Variants in DOCK3 observed in about 807,000 individuals in gnomAD.
DOCK3 encodes dedicator of cytokinesis protein 3.
In DOCK3, 60 loss-of-function variants were observed where a neutral mutation model predicts 265.6. The ratio of observed to expected loss-of-function variants is 0.23; its 90% CI spans 0.18 to 0.28. The LOEUF (loss-of-function observed/expected upper bound fraction) is 0.28. Ranked by LOEUF, DOCK3 falls within the 10% of genes least tolerant of loss-of-function variation. The pLI, the probability that DOCK3 is intolerant of heterozygous loss-of-function variation, is 1.00. For missense variants in DOCK3, 1,981 were observed against 2,594.3 expected (o/e 0.76, Z 5.14); for synonymous variants, 881 against 938.0 (o/e 0.94, Z 1.11).
At chr3:50,867,799 CTT>C (rs2047219075) in intron 3 of DOCK3, among the ~76,000 whole-genome samples, 1 of 151,902 alleles carries the variant, frequency 6.6e-6, no homozygotes, top group Non-Finnish European at 1.5e-5. Context: ...TGAATGATCT[CTT>C]TAATATATTG....
chr3:50,838,499 A>G (rs2045642746), intron 2 of DOCK3, among the ~76,000 whole-genome samples: 1 of 152,236 alleles, frequency 6.6e-6, no homozygotes, highest in African/African-American at 2.4e-5. Flanking sequence ...CTTCAGTTAA[A>G]TGCATATGAT....
At chr3:51,248,500 T>C (rs945827018) in intron 22 of DOCK3, among the ~76,000 whole-genome samples, 2 of 152,224 alleles carry the variant, frequency 1.3e-5, no homozygotes, top group Non-Finnish European at 2.9e-5. Context: ...CAGTGCTCAA[T>C]GGCGCCCAGG....
In DOCK3 at chr3:50,713,656, T is replaced by TATA. The variant is rs1559542538; in HGVS notation, c.37+38356_37+38357insATA. Reference sequence around the variant, plus strand: ...TGATAAATTATATATATATATATATTTTTTGTTTGTTTGTTTTAGATTCTG... The same window carrying TATA: ...TGATAAATTATATATATATATATATTATATTTTGTTTGTTTGTTTTAGATTCTG... On this transcript the variant is annotated intron_variant, in intron 1 of 52. Coordinates refer to ENST00000266037, the MANE Select transcript of DOCK3 (RefSeq NM_004947.5). Among the ~76,000 whole-genome samples, 30 of 147,044 alleles carry TATA rather than the reference T, an allele frequency of 2.0e-4. No individual in the cohort carries two copies. In the East Asian group the frequency reaches 2.5e-3, roughly 12 times the overall value.
chr3:50,990,241 A>G (rs1437808671), intron 5 of DOCK3, among the ~76,000 whole-genome samples: 2 of 152,256 alleles, frequency 1.3e-5, no homozygotes, highest in African/African-American at 4.8e-5. Context: ...GTTTCAGGAT[A>G]TCATTCATGA....
At chr3:51,321,128 T>C (rs2083697658) in intron 32 of DOCK3, among the ~76,000 whole-genome samples, 1 of 152,096 alleles carries the variant, frequency 6.6e-6, no homozygotes, top group African/African-American at 2.4e-5. Context: ...TCCAGAGGAA[T>C]GAACAGACAG....
chr3:50,788,596 G>T (rs1282312280), intron 2 of DOCK3, among the ~76,000 whole-genome samples: 1 of 152,258 alleles, frequency 6.6e-6, no homozygotes, highest in African/African-American at 2.4e-5. Context: ...CCTGCAGTGG[G>T]GGGACTGTAG....
intron 1 of DOCK3, among the ~76,000 whole-genome samples, chr3:50,687,270 C>T (rs1188454866): frequency 6.6e-6 from 1 of 152,084 alleles, no homozygotes; most frequent in Non-Finnish European, 1.5e-5. Context: ...GACTCATCGC[C>T]CTCATTATTC....
intron 5 of DOCK3, among the ~76,000 whole-genome samples, chr3:51,046,041 TAAG>T (rs2080764001): frequency 6.6e-6 from 1 of 151,914 alleles, no homozygotes; most frequent in Non-Finnish European, 1.5e-5. Flanking sequence ...TAGACTGTCA[TAAG>T]AAGTTTTACA....
intron 21 of DOCK3, among the ~76,000 whole-genome samples, chr3:51,245,390 C>CTTTTT (rs71084137): frequency 9.4e-6 from 1 of 106,676 alleles, no homozygotes; most frequent in African/African-American, 3.5e-5. Context: ...CATTTTCTTT[C>CTTTTT]TTTTTTTTTT....
chr3:51,113,919 C>T (rs911174190), intron 9 of DOCK3, among the ~76,000 whole-genome samples: 5 of 151,962 alleles, frequency 3.3e-5, no homozygotes, highest in African/African-American at 4.8e-5. Flanking sequence ...TGAGATCAGC[C>T]TGGGCAACAA....
rs2039080503 is a variant in DOCK3, at chr3:50,742,110, T to C, written c.38-36565T>C. Among the ~76,000 whole-genome samples the C allele has an allele frequency of 2.6e-5, 4 of 152,308 alleles. 1 individual carries two copies. Among genetic ancestry groups the C allele is most frequent in the African/African-American group, 9.6e-5 (4 of 41,576 alleles). On this transcript the variant is annotated intron_variant, in intron 1 of 52. Coordinates refer to ENST00000266037, the MANE Select transcript of DOCK3 (RefSeq NM_004947.5). ...GTCTGTTCATGTCCTTCGCCCACTTTTTGAACAGACCTGCAGCTGAGGGTC... is the reference window on the plus strand; with the variant it reads ...GTCTGTTCATGTCCTTCGCCCACTTCTTGAACAGACCTGCAGCTGAGGGTC...
intron 5 of DOCK3, among the ~76,000 whole-genome samples, chr3:50,979,414 T>A (rs954143083): frequency 6.6e-6 from 1 of 152,142 alleles, no homozygotes; most frequent in Non-Finnish European, 1.5e-5. Context: ...TGGGGGTGGA[T>A]CTCTCATGAA....
rs745374676 is a variant in DOCK3 at position 50,778,773 on chromosome 3, A to T, written c.121+15A>T. 8.5e-6 allele frequency: 13 copies of T among 1,533,412 alleles called. No individual in the cohort carries two copies. The South Asian group carries it at 1.4e-4, about 17-fold the overall frequency. The allele number at this position is 1,533,412 out of a possible 1,614,324, so 95.0% of individuals were successfully genotyped here. On this transcript the variant is annotated intron_variant, in intron 2 of 52. Coordinates refer to ENST00000266037, the MANE Select transcript of DOCK3 (RefSeq NM_004947.5). ...AAAATGTGAAGGTGAGTATGGACCT[A>T]CAAAGCACATAAATTGTGATCATTT...
intron 4 of DOCK3, among the ~76,000 whole-genome samples, chr3:50,894,592 G>A (rs1227429342): frequency 6.6e-6 from 1 of 152,032 alleles, no homozygotes; most frequent in African/African-American, 2.4e-5. Flanking sequence ...TGTAAAGATA[G>A]TATATAAATA....
chr3:50,950,843 A>G (rs1174296851), intron 5 of DOCK3, among the ~76,000 whole-genome samples: 1 of 151,942 alleles, frequency 6.6e-6, no homozygotes, highest in East Asian at 1.9e-4. Flanking sequence ...CTTACTTTCT[A>G]CTCAACCCGA....
chr3:50,826,254 C>G (rs2044749509), intron 2 of DOCK3, among the ~76,000 whole-genome samples: 1 of 151,364 alleles, frequency 6.6e-6, no homozygotes, highest in African/African-American at 2.4e-5. Flanking sequence ...TCTGTTATAT[C>G]TTAGAGCTGT....
chr3:51,240,402 A>G (rs1307472108), intron 21 of DOCK3, among the ~76,000 whole-genome samples: 2 of 152,176 alleles, frequency 1.3e-5, no homozygotes, highest in African/African-American at 4.8e-5. Context: ...AGACAAATGT[A>G]TGTTCTCTTG....
chr3:50,978,547 A>C (rs1469238651), intron 5 of DOCK3, among the ~76,000 whole-genome samples: 1 of 152,058 alleles, frequency 6.6e-6, no homozygotes, highest in Non-Finnish European at 1.5e-5. Flanking sequence ...GCTCTCTTCA[A>C]AGCTGTCAGA....
At chr3:51,363,014 G>C (rs2086852086) in intron 49 of DOCK3, among the ~76,000 whole-genome samples, 1 of 152,214 alleles carries the variant, frequency 6.6e-6, no homozygotes, top group African/African-American at 2.4e-5. Context: ...TTGTCTTGAG[G>C]AATCAGGCAT....
Sources: gnomAD v4.1 joint callset for allele counts (sites outside exome capture counted in the v4.1 genomes callset) on GRCh38, gnomAD v4.1.1 for gene constraint, MANE v1.5 for transcripts, NCBI Gene and HGNC (gene_info 2026-07-23, HGNC 2026-07-21) for gene names.